MAP3K4: variants seen among roughly 807,000 people sequenced by gnomAD.
MAP3K4 encodes mitogen-activated protein kinase kinase kinase 4.
In MAP3K4, 67 loss-of-function variants were observed where a neutral mutation model predicts 185.6. The observed-to-expected ratio is 0.36, with a 90% CI of 0.30 to 0.44. MAP3K4 has a LOEUF of 0.44. Among genes scored for constraint, MAP3K4 ranks in the 20% least tolerant of loss-of-function variants. The pLI is 1.00. For missense variants in MAP3K4, 1,551 were observed against 1,995.1 expected (o/e 0.78, Z 4.24); for synonymous variants, 702 against 710.4 (o/e 0.99, Z 0.19).
At position 161,093,941 on chromosome 6, in the gene MAP3K4, AGAGG is replaced by A. The variant is rs1422109924; in HGVS notation, c.3427+91_3427+94del. On this transcript the variant is annotated intron_variant, in intron 15 of 26. Coordinates refer to ENST00000392142, the MANE Select transcript of MAP3K4 (RefSeq NM_005922.4). This position sits in a 1 kb window ranked among gnomAD's most constrained non-coding sequence, Gnocchi z 5.2. The stretch of plus-strand genomic sequence containing the variant: ...AATTGCAGTCGTTTAAAATGGTATA[AGAGG>A]TGTTTTAACAGTATTCAGGAAAACG... 3.3e-5 allele frequency: 33 copies of A among 994,938 alleles called. No individual in the cohort carries two copies. The highest frequency in any genetic ancestry group is 4.7e-5 in the Non-Finnish European group (30 of 639,006). The allele number at this position is 994,938 out of a possible 1,614,324, so 61.6% of individuals were successfully genotyped here.
At position 161,029,008 on chromosome 6, in the gene MAP3K4, C is replaced by T. The variant is rs147377718; in HGVS notation, c.153-5251C>T. 8.6e-3 allele frequency among the ~76,000 whole-genome samples: 1,311 copies of T among 152,256 alleles called. 22 individuals are homozygous for T. The highest frequency in any genetic ancestry group is 0.03 in the African/African-American group (1,256 of 41,540). On this transcript the variant is annotated intron_variant, in intron 1 of 26. Coordinates refer to ENST00000392142, the MANE Select transcript of MAP3K4 (RefSeq NM_005922.4). Reference sequence around the variant, plus strand: ...CCTTTGATTAATACTTCAGGCCAAGCAAGCTATACACATTGTTTAAAGAAA... The same window carrying T: ...CCTTTGATTAATACTTCAGGCCAAGTAAGCTATACACATTGTTTAAAGAAA...
In MAP3K4 at chr6:161,098,195, A is replaced by G. The variant is rs568377747; in HGVS notation, c.3525-83A>G. On this transcript the variant is annotated intron_variant, in intron 16 of 26. Coordinates refer to ENST00000392142, the MANE Select transcript of MAP3K4 (RefSeq NM_005922.4). The surrounding 1 kb of genome is among the most constrained non-coding windows in gnomAD (Gnocchi z 4.4). ...TTTAAATATATTTCACCCCCTTGCC[A>G]TATTTTATTTTTAATTGAAAACAAT... 550 of 1,401,174 alleles carry G rather than the reference A, an allele frequency of 3.9e-4. 1 individual carries two copies. In the Middle Eastern group the frequency reaches 4.2e-3, roughly 11 times the overall value. The allele number at this position is 1,401,174 out of a possible 1,614,324, so 86.8% of individuals were successfully genotyped here.
In MAP3K4 at chr6:161,109,975, G is replaced by A. The variant is rs193278932; in HGVS notation, c.4396+61G>A. On this transcript the variant is annotated intron_variant, in intron 23 of 26. Transcript: ENST00000392142. The surrounding 1 kb of genome is among the most constrained non-coding windows in gnomAD (Gnocchi z 5.7). ...GCCACTGGTACCCAGCCCGTGGGAGGTGCTCTGAAGACGCTCATCCCATTC... is the reference window on the plus strand; with the variant it reads ...GCCACTGGTACCCAGCCCGTGGGAGATGCTCTGAAGACGCTCATCCCATTC... The A allele has an allele frequency of 9.9e-4, 1,545 of 1,562,692 alleles. 3 individuals are homozygous for A. Among genetic ancestry groups the A allele is most frequent in the Middle Eastern group, 6.0e-3 (27 of 4,488 alleles).
At chr6:160,992,212 G>T (rs572186997) in intron 1 of MAP3K4, 129 bp downstream of exon 1, 7 of 1,277,850 alleles carry the variant, frequency 5.5e-6, no homozygotes, top group Non-Finnish European at 6.1e-6. Context: ...GCAGGCTGGG[G>T]CGGGAGGGGC....
chr6:161,083,107 C>A (rs1785535586), intron 6 of MAP3K4, among the ~76,000 whole-genome samples: 1 of 152,158 alleles, frequency 6.6e-6, no homozygotes, highest in Non-Finnish European at 1.5e-5. Context: ...CCCTTTTCAC[C>A]AGCTGGCCCC....
chr6:161,077,613 C>T lies in MAP3K4; in HGVS notation c.2098-3268C>T, dbSNP rs1785242081. Among the ~76,000 whole-genome samples the T allele has an allele frequency of 6.6e-6, 1 of 152,140 alleles. No individual in the cohort carries two copies. Among genetic ancestry groups the T allele is most frequent in the East Asian group, 1.9e-4 (1 of 5,190 alleles). The stretch of plus-strand genomic sequence containing the variant: ...ACAGTTCAAGGCCATTCCAGGAATG[C>T]ACATGCAAGTCCTTGGATTAGAGGG... On this transcript the variant is annotated intron_variant, in intron 5 of 26. Transcript: ENST00000392142. The surrounding 1 kb of genome is among the most constrained non-coding windows in gnomAD (Gnocchi z 4.3).
At chr6:161,015,150 C>T (rs1361946000) in intron 1 of MAP3K4, among the ~76,000 whole-genome samples, 1 of 152,108 alleles carries the variant, frequency 6.6e-6, no homozygotes, top group Admixed American at 6.6e-5. Context: ...ATTTGTATTG[C>T]TGTAAACTTT....
At chr6:160,999,661 C>T (rs538704725) in intron 1 of MAP3K4, among the ~76,000 whole-genome samples, 36 of 152,280 alleles carry the variant, frequency 2.4e-4, no homozygotes, top group African/African-American at 7.5e-4. Flanking sequence ...GGCTCCAGAT[C>T]TGCAAGCCCT....
At chr6:161,032,969 T>C (rs773624138) in intron 1 of MAP3K4, among the ~76,000 whole-genome samples, 8 of 152,188 alleles carry the variant, frequency 5.3e-5, no homozygotes, top group Non-Finnish European at 8.8e-5. Flanking sequence ...TTTGACCTAT[T>C]AGGGATCTTT....
chr6:161,018,187 G>C (rs1444786621), intron 1 of MAP3K4, among the ~76,000 whole-genome samples: 1 of 152,138 alleles, frequency 6.6e-6, no homozygotes, highest in Non-Finnish European at 1.5e-5. Flanking sequence ...TGAGGAGGCT[G>C]AGGCAGTTGG....
rs1232373819 is a variant in MAP3K4 at position 161,084,114 on chromosome 6, G to T, written c.2256-387G>T. ...GTTTATTGACTATACAAAGCTAATT[G>T]TGGGGGAAATTTGTAAAAACAGTTG... On this transcript the variant is annotated intron_variant, in intron 6 of 26. Coordinates refer to ENST00000392142, the MANE Select transcript of MAP3K4 (RefSeq NM_005922.4). This position sits in a 1 kb window ranked among gnomAD's most constrained non-coding sequence, Gnocchi z 4.6. Among the ~76,000 whole-genome samples the T allele has an allele frequency of 2.6e-5, 4 of 152,214 alleles. No homozygotes were observed. The highest frequency in any genetic ancestry group is 6.5e-5 in the Admixed American group (1 of 15,288).
rs1782169627 is a variant in MAP3K4, at chr6:161,017,472, A to G, written c.153-16787A>G. ...GTAGTTGAGAAGTATGTCACTTTCT[A>G]TTTATTTGGATATTTTAAATAGTAT... On this transcript the variant is annotated intron_variant, in intron 1 of 26. Transcript: ENST00000392142. This position sits in a 1 kb window ranked among gnomAD's most constrained non-coding sequence, Gnocchi z 5.1. 6.6e-6 allele frequency among the ~76,000 whole-genome samples: 1 copy of G among 152,090 alleles called. No homozygotes were observed. The highest frequency in any genetic ancestry group is 2.4e-5 in the African/African-American group (1 of 41,406).
Position 161,073,725 on chromosome 6 carries a change from T to G in MAP3K4, c.2097+113T>G, listed in dbSNP as rs778473710. On this transcript the variant is annotated intron_variant, in intron 5 of 26. Transcript: ENST00000392142. This position sits in a 1 kb window ranked among gnomAD's most constrained non-coding sequence, Gnocchi z 4.2. Reference sequence around the variant, plus strand: ...CGTTGGCATACATATTCAGATAAACTTCTCTAGTAATGAATTATAGAAATG... The same window carrying G: ...CGTTGGCATACATATTCAGATAAACGTCTCTAGTAATGAATTATAGAAATG... The G allele has an allele frequency of 8.0e-5, 86 of 1,074,206 alleles. No homozygotes were observed. The highest frequency in any genetic ancestry group is 1.1e-4 in the Non-Finnish European group (84 of 763,830). The allele number at this position is 1,074,206 out of a possible 1,614,324, so 66.5% of individuals were successfully genotyped here. A position where few individuals can be genotyped will look rare whatever the true frequency, so the allele number is the denominator to read the frequency against.
intron 1 of MAP3K4, among the ~76,000 whole-genome samples, chr6:160,993,521 G>C (rs979743126): frequency 2.6e-5 from 4 of 152,118 alleles, no homozygotes; most frequent in African/African-American, 9.7e-5. Flanking sequence ...TAAGTATCTT[G>C]TCCAGGGTTT....
rs772224859 is a variant in MAP3K4, at chr6:161,087,879, C to T, written c.2748C>T (p.Ser916=). Residue 916 remains serine, a synonymous_variant, in exon 10 of 27, where the codon AGC becomes AGT. Coordinates refer to ENST00000392142, the MANE Select transcript of MAP3K4 (RefSeq NM_005922.4). This position sits in a 1 kb window ranked among gnomAD's most constrained non-coding sequence, Gnocchi z 4.9. The part of the protein sequence containing the change: ...HGDRARDSED[S]WGTWEAQPVK... The stretch of plus-strand genomic sequence containing the variant: ...ATCGAGCCCGTGATTCAGAGGACAG[C>T]TGGGGCACCTGGGAGGCACAGCCTG... The T allele has an allele frequency of 1.9e-5, 30 of 1,614,134 alleles. No individual in the cohort carries two copies. The highest frequency in any genetic ancestry group is 1.6e-4 in the Middle Eastern group (1 of 6,062).
Position 161,034,356 on chromosome 6 carries a change from T to C in MAP3K4, c.250T>C (p.Ser84Pro), listed in dbSNP as rs1486950115. 3 of 1,613,520 alleles carry C rather than the reference T, an allele frequency of 1.9e-6. No individual in the cohort carries two copies. The East Asian group carries it at 6.7e-5, about 36-fold the overall frequency. Residue 84 changes from serine to proline, a missense_variant, in exon 2 of 27, where the codon TCT becomes CCT. Transcript: ENST00000392142. The surrounding 1 kb of genome is among the most constrained non-coding windows in gnomAD (Gnocchi z 4.4). ...ETNTENLYGTSPPSTPRQMKR... is the reference protein window; with the variant it reads ...ETNTENLYGTPPPSTPRQMKR... ...AAATACAGAGAATCTTTATGGTACC[T>C]CTCCCCCCAGCACACCTCGACAGAT...
rs1251029508 is a variant in MAP3K4 at position 161,087,749 on chromosome 6, A to G, written c.2618A>G (p.Lys873Arg). Residue 873 changes from lysine to arginine, a missense_variant, in exon 10 of 27, where the codon AAG becomes AGG. Lys to Arg is a conservative substitution (Grantham distance 26). Around this residue, in one of 16 missense-constraint regions of MAP3K4, gnomAD observed 261 missense variants for 306.5 expected, o/e 0.85. Coordinates refer to ENST00000392142, the MANE Select transcript of MAP3K4 (RefSeq NM_005922.4). This position sits in a 1 kb window ranked among gnomAD's most constrained non-coding sequence, Gnocchi z 4.9. ...GTTCCAGACACTCTTGCTGAGGAGA[A>G]GAGTATTATTTTGCAGTTACTCAAT... ...MFVPDTLAEEKSIILQLLNAA... is the reference protein window; with the variant it reads ...MFVPDTLAEERSIILQLLNAA... The G allele has an allele frequency of 1.2e-6, 2 of 1,614,080 alleles. No individual in the cohort carries two copies. The highest frequency in any genetic ancestry group is 2.7e-5 in the African/African-American group (2 of 74,936).
rs1239808013 is a variant in MAP3K4, at chr6:161,112,403, C to T, written c.4520-265C>T. ...TTAGTGCCATGAAATTTTGCCTCCT[C>T]CTTTGCAGGTTAAATTTTCTATTTT... is the stretch of plus-strand genomic sequence containing the variant. On this transcript the variant is annotated intron_variant, in intron 24 of 26. Transcript: ENST00000392142. The surrounding 1 kb of genome is among the most constrained non-coding windows in gnomAD (Gnocchi z 5.1). Among the ~76,000 whole-genome samples the T allele has an allele frequency of 6.6e-6, 1 of 152,058 alleles. No individual in the cohort carries two copies. The highest frequency in any genetic ancestry group is 1.5e-5 in the Non-Finnish European group (1 of 68,008).
intron 1 of MAP3K4, among the ~76,000 whole-genome samples, chr6:160,997,003 A>G: frequency 6.6e-6 from 1 of 152,156 alleles, no homozygotes; most frequent in East Asian, 1.9e-4. Flanking sequence ...TAGGCATCAC[A>G]CAGGCTGCTT....
Sources: allele counts gnomAD v4.1 joint callset (sites outside exome capture counted in the v4.1 genomes callset), GRCh38; gene constraint gnomAD v4.1.1; regional missense constraint gnomAD v4.1.1; non-coding constraint Gnocchi (gnomAD v3.1); transcripts MANE v1.5; gene names NCBI Gene and HGNC (gene_info 2026-07-23, HGNC 2026-07-21).